Variants in CSRP3 observed in about 807,000 individuals in gnomAD.
The protein encoded by CSRP3 is cysteine and glycine-rich protein 3.
A neutral mutation model predicts 24.3 loss-of-function variants in CSRP3; 24 were observed. The observed-to-expected ratio is 0.99, with a 90% confidence interval of 0.71 to 1.39. CSRP3 has a LOEUF of 1.39. Among genes scored for constraint, CSRP3 ranks in the 40% most tolerant of loss-of-function variants. The probability of loss-of-function intolerance (pLI) is 0.00; values close to 1 mark genes in which losing one functional copy is unlikely to be tolerated. For missense variants in CSRP3, 240 were observed against 249.0 expected, an observed-to-expected ratio of 0.96 and a Z score of 0.24; for synonymous variants, 105 against 94.0, an observed-to-expected ratio of 1.12 and a Z score of -0.68.
intron 3 of CSRP3, among the ~76,000 whole-genome samples, chr11:19,187,058 G>T (rs541651834): frequency 6.6e-6 from 1 of 152,308 alleles, no homozygotes; most frequent in South Asian, 2.1e-4. Flanking sequence ...GCTCATGAAT[G>T]ATGGACCTAG....
intron 5 of CSRP3, among the ~76,000 whole-genome samples, chr11:19,184,229 C>G (rs1320007464): frequency 1.3e-5 from 2 of 152,196 alleles, no homozygotes; most frequent in African/African-American, 4.8e-5. Context: ...GAGACACCAT[C>G]ATTAAGTGAT....
chr11:19,185,169 C>T, intron 4 of CSRP3, 124 bp from the exon 5 acceptor site: 1 of 752,392 alleles, frequency 1.3e-6, no homozygotes, highest in Non-Finnish European at 2.4e-6. Flanking sequence ...ACCTAATGGG[C>T]CCCATAATTT....
intron 1 of CSRP3, among the ~76,000 whole-genome samples, chr11:19,198,832 A>G (rs553447440): frequency 1.3e-5 from 2 of 152,358 alleles, no homozygotes; most frequent in Non-Finnish European, 2.9e-5. Flanking sequence ...GTCCTCATGT[A>G]AAGACAATAT....
intron 3 of CSRP3, 86 bp downstream of exon 3, chr11:19,188,050 C>G (rs980642093): frequency 5.5e-5 from 84 of 1,531,870 alleles, no homozygotes; most frequent in Non-Finnish European, 7.2e-5. Context: ...TCTCCCACTT[C>G]CAGAAAACGT....
intron 2 of CSRP3, among the ~76,000 whole-genome samples, chr11:19,191,431 C>T (rs58955723): frequency 2.5e-3 from 388 of 152,220 alleles, no homozygotes; most frequent in African/African-American, 9.0e-3. Context: ...AAATATCCAG[C>T]AGAGCTAGCC....
chr11:19,198,143 C>T (rs1850772990), intron 1 of CSRP3, among the ~76,000 whole-genome samples: 1 of 152,112 alleles, frequency 6.6e-6, no homozygotes, highest in South Asian at 2.1e-4. Context: ...CAACAGCTGC[C>T]CAGAGCAAAT....
chr11:19,195,190 A>G (rs539536987), intron 1 of CSRP3, among the ~76,000 whole-genome samples: 4 of 151,932 alleles, frequency 2.6e-5, no homozygotes, highest in Non-Finnish European at 5.9e-5. Context: ...AGTCATGCAG[A>G]GAAAAGAGCA....
At chr11:19,186,636 C>G (rs1372228704) in intron 3 of CSRP3, among the ~76,000 whole-genome samples, 1 of 152,170 alleles carries the variant, frequency 6.6e-6, no homozygotes, top group Non-Finnish European at 1.5e-5. Context: ...AGCAAATGTT[C>G]TAGTTATGTT....
At chr11:19,200,877 T>C (rs1200770419) in intron 1 of CSRP3, among the ~76,000 whole-genome samples, 6 of 152,176 alleles carry the variant, frequency 3.9e-5, no homozygotes, top group Non-Finnish European at 5.9e-5. Context: ...CTTCCCTGCA[T>C]AGAGCTGCCT....
chr11:19,191,548 G>A (rs114350496), intron 2 of CSRP3, among the ~76,000 whole-genome samples: 1 of 152,174 alleles, frequency 6.6e-6, no homozygotes, highest in African/African-American at 2.4e-5. Context: ...AGTATAGAAT[G>A]CAGTCATGTC....
At chr11:19,200,866 C>T (rs1850827104) in intron 1 of CSRP3, among the ~76,000 whole-genome samples, 1 of 152,162 alleles carries the variant, frequency 6.6e-6, no homozygotes, top group Admixed American at 6.5e-5. Flanking sequence ...TCACTTATAC[C>T]CTTCCCTGCA....
chr11:19,192,618 A>G (rs1590106347), intron 1 of CSRP3, 142 bp from the exon 2 acceptor site: 2 of 684,048 alleles, frequency 2.9e-6, no homozygotes, highest in East Asian at 5.4e-5. Flanking sequence ...GCAAACAGCT[A>G]CTGTGTGCTA....
chr11:19,188,584 C>G (rs1850567978), intron 2 of CSRP3, among the ~76,000 whole-genome samples: 2 of 150,768 alleles, frequency 1.3e-5, no homozygotes, highest in Non-Finnish European at 1.5e-5. Context: ...AGGACTGCAT[C>G]CCTGAGTCTT....
chr11:19,185,080 G>T (rs780053223), intron 4 of CSRP3, 35 bp from the exon 5 acceptor site: 2 of 1,453,558 alleles, frequency 1.4e-6, no homozygotes, highest in Non-Finnish European at 1.9e-6. Context: ...ATTTAATGAG[G>T]TAGGCAACAC....
At chr11:19,194,592 A>G (rs114530453) in intron 1 of CSRP3, among the ~76,000 whole-genome samples, 4,951 of 152,256 alleles carry the variant, frequency 0.033, 159 homozygotes, top group African/African-American at 0.079. Flanking sequence ...TTGAGGCAGG[A>G]GAATCACTTG....
chr11:19,182,771 G>C, intron 5 of CSRP3, 25 bp from the exon 6 acceptor site: 1 of 1,551,660 alleles, frequency 6.4e-7, no homozygotes, highest in South Asian at 1.1e-5. Flanking sequence ...AGGATGAAGG[G>C]AGAGACAATG....
chr11:19,201,218 A>C (rs1850834320), intron 1 of CSRP3, among the ~76,000 whole-genome samples: 1 of 152,240 alleles, frequency 6.6e-6, no homozygotes, highest in African/African-American at 2.4e-5. Context: ...CCTCCCATTT[A>C]ATAGAGCTTT....
chr11:19,197,396 T>G (rs199692780), intron 1 of CSRP3, among the ~76,000 whole-genome samples: 1 of 7,728 alleles, frequency 1.3e-4, no homozygotes, highest in Admixed American at 1.9e-3. Context: ...CTCCCTTCCT[T>G]CCTTCCTTCC....
chr11:19,197,431 CTCCTTCTTTCCA>C (rs1850745921), intron 1 of CSRP3, among the ~76,000 whole-genome samples: 1 of 132,412 alleles, frequency 7.6e-6, no homozygotes. Flanking sequence ...CCTTCCTTCC[CTCCTTCTTTCCA>C]TCCTTTTTCC....
Sources: gnomAD v4.1 joint callset for allele counts (sites outside exome capture counted in the v4.1 genomes callset) on GRCh38, gnomAD v4.1.1 for gene constraint, MANE v1.5 for transcripts, NCBI Gene and HGNC (gene_info 2026-07-23, HGNC 2026-07-21) for gene names.